Variants in SNX29 observed in about 807,000 individuals in gnomAD.
The protein encoded by SNX29 is sorting nexin 29, also known as sorting nexin-29.
A neutral mutation model predicts 102.1 loss-of-function variants in SNX29; 78 were observed. That is an observed-to-expected ratio of 0.76 (90% CI 0.64 to 0.92). The LOEUF (loss-of-function observed/expected upper bound fraction) is 0.92. SNX29 is among the 40% of genes least tolerant of loss of function. The pLI, the probability that SNX29 is intolerant of heterozygous loss-of-function variation, is 0.00. For synonymous variants in SNX29, 580 were observed against 414.5 expected, an observed-to-expected ratio of 1.40 and a Z score of -4.85; for missense variants, 1,280 against 1,061.7, an observed-to-expected ratio of 1.21 and a Z score of -2.86.
At chr16:12,169,697 T>G (rs1450589897) in intron 13 of SNX29, among the ~76,000 whole-genome samples, 20 of 152,026 alleles carry the variant, frequency 1.3e-4, no homozygotes, top group Admixed American at 1.3e-3. Flanking sequence ...CTATCTGTAC[T>G]AAAAATACAA....
rs1464136306 is a variant in SNX29 at position 12,362,551 on chromosome 16, A to ACCACCACCC, written c.1899+6273_1899+6274insCACCACCCC. On this transcript the variant is annotated intron_variant, in intron 16 of 20. Coordinates refer to ENST00000566228, the MANE Select transcript of SNX29 (RefSeq NM_032167.5). ...GTTGCAGAAGGATTTTGGCTGCTGCACTCCCCCCCCACCCCCCCCCCCACC... is the reference window on the plus strand; with the variant it reads ...GTTGCAGAAGGATTTTGGCTGCTGCACCACCACCCCTCCCCCCCCACCCCCCCCCCCACC... Among the ~76,000 whole-genome samples, 4 of 23,530 alleles carry ACCACCACCC rather than the reference A, an allele frequency of 1.7e-4. 1 individual carries two copies. Among genetic ancestry groups the ACCACCACCC allele is most frequent in the African/African-American group, 5.6e-4 (4 of 7,178 alleles). The allele number at this position is 23,530 out of a possible 152,430, so 15.4% of individuals were successfully genotyped here. A position where few individuals can be genotyped will look rare whatever the true frequency, so the allele number is the denominator to read the frequency against.
intron 14 of SNX29, among the ~76,000 whole-genome samples, chr16:12,270,323 G>A (rs1028164565): frequency 1.3e-5 from 2 of 152,212 alleles, no homozygotes; most frequent in Non-Finnish European, 2.9e-5. Context: ...TTATTGGGGG[G>A]ATGTGCAAAG....
chr16:12,343,472 C>CT (rs2081676448), intron 15 of SNX29, among the ~76,000 whole-genome samples: 2 of 152,202 alleles, frequency 1.3e-5, no homozygotes, highest in Admixed American at 1.3e-4. Context: ...TGGAGCCCCA[C>CT]TTTATAGCCG....
chr16:12,258,454 A>G (rs2078638778), intron 14 of SNX29, among the ~76,000 whole-genome samples: 1 of 152,114 alleles, frequency 6.6e-6, no homozygotes. Context: ...CCCAGCCTCC[A>G]TGTCTGCAGG....
At chr16:12,108,150 T>C (rs1277316660) in intron 11 of SNX29, among the ~76,000 whole-genome samples, 1 of 152,158 alleles carries the variant, frequency 6.6e-6, no homozygotes. Flanking sequence ...TTTTGGACAA[T>C]CTTTAGGGTA....
In SNX29 at chr16:12,467,363, G is replaced by C. The variant is rs1050003029; in HGVS notation, c.2038-10356G>C. Among the ~76,000 whole-genome samples the C allele has an allele frequency of 2.0e-5, 3 of 152,212 alleles. No individual in the cohort carries two copies. The East Asian group carries it at 5.8e-4, about 29-fold the overall frequency. On this transcript the variant is annotated intron_variant, in intron 18 of 20. Transcript: ENST00000566228. ...ATCGCTCACTAGGGCGAAGATCCAT[G>C]CTCTCCTTTTCCTTTTCCAAATCCA...
At chr16:12,281,089 C>T (rs1034367335) in intron 15 of SNX29, among the ~76,000 whole-genome samples, 8 of 152,100 alleles carry the variant, frequency 5.3e-5, no homozygotes, top group Non-Finnish European at 7.4e-5. Flanking sequence ...TTTAAATTTA[C>T]TTTTTCTAGA....
chr16:12,095,703 C>T (rs1255058933), intron 11 of SNX29, among the ~76,000 whole-genome samples: 1 of 152,146 alleles, frequency 6.6e-6, no homozygotes, highest in Non-Finnish European at 1.5e-5. Flanking sequence ...CCGATTGTTG[C>T]CTTCTTGCCC....
intron 18 of SNX29, among the ~76,000 whole-genome samples, chr16:12,447,590 C>G (rs116313609): frequency 7.9e-5 from 12 of 152,184 alleles, no homozygotes; most frequent in Middle Eastern, 3.2e-3. Context: ...CTAGGTCTTA[C>G]AGCAAAATCA....
chr16:12,189,946 T>G (rs1243025538), intron 13 of SNX29, among the ~76,000 whole-genome samples: 2 of 152,140 alleles, frequency 1.3e-5, no homozygotes, highest in Non-Finnish European at 2.9e-5. Flanking sequence ...ACATCACCAT[T>G]GACTTCTCAC....
intron 13 of SNX29, among the ~76,000 whole-genome samples, chr16:12,179,635 T>C (rs1276514053): frequency 6.6e-6 from 1 of 152,254 alleles, no homozygotes; most frequent in Non-Finnish European, 1.5e-5. Flanking sequence ...TTTAATGCTT[T>C]CCACCAGTTC....
At chr16:12,357,840 C>T (rs1310056118) in intron 16 of SNX29, among the ~76,000 whole-genome samples, 2 of 152,218 alleles carry the variant, frequency 1.3e-5, no homozygotes, top group Admixed American at 6.5e-5. Context: ...ACTGAAGACA[C>T]TGGATTTGCC....
intron 20 of SNX29, among the ~76,000 whole-genome samples, chr16:12,553,206 T>G (rs12933684): frequency 0.24 from 36,424 of 152,086 alleles, 4,866 homozygotes; most frequent in East Asian, 0.62. Flanking sequence ...TTATTTCCAG[T>G]AGCCATGCTC....
intron 14 of SNX29, among the ~76,000 whole-genome samples, chr16:12,225,365 G>C (rs1001771006): frequency 1.3e-5 from 2 of 152,120 alleles, no homozygotes; most frequent in Admixed American, 1.3e-4. Flanking sequence ...GGAGGATCCC[G>C]GTGGGAGGTA....
chr16:12,479,048 C>G (rs963637830), intron 19 of SNX29, among the ~76,000 whole-genome samples: 6 of 152,160 alleles, frequency 3.9e-5, no homozygotes, highest in African/African-American at 1.4e-4. Context: ...CATGGTTGTT[C>G]TCAAAGTGTG....
chr16:12,403,365 T>C (rs527843918), intron 17 of SNX29, 83 bp from the exon 18 acceptor site: 9 of 1,373,196 alleles, frequency 6.6e-6, no homozygotes, highest in South Asian at 1.3e-5. Context: ...AGTAGAAAAT[T>C]GTCTCCTTTC....
intron 11 of SNX29, among the ~76,000 whole-genome samples, chr16:12,114,570 C>CT (rs879534554): frequency 6.1e-4 from 88 of 143,730 alleles, no homozygotes; most frequent in Middle Eastern, 3.5e-3. Context: ...ATCGTCATTC[C>CT]TTTTTTTTTT....
At chr16:12,291,188 C>A (rs2079780760) in intron 15 of SNX29, among the ~76,000 whole-genome samples, 1 of 152,044 alleles carries the variant, frequency 6.6e-6, no homozygotes, top group Non-Finnish European at 1.5e-5. Flanking sequence ...GTTATTAGTC[C>A]ATTGTCACGG....
chr16:12,282,402 A>G (rs1282038491), intron 15 of SNX29, among the ~76,000 whole-genome samples: 1 of 152,216 alleles, frequency 6.6e-6, no homozygotes, highest in East Asian at 1.9e-4. Context: ...GCCAAGGATT[A>G]CCTGCTTCCA....
Sources: allele counts gnomAD v4.1 joint callset (sites outside exome capture counted in the v4.1 genomes callset), GRCh38; gene constraint gnomAD v4.1.1; transcripts MANE v1.5; gene names NCBI Gene and HGNC (gene_info 2026-07-23, HGNC 2026-07-21).